Variants in CDK5RAP2 observed in about 807,000 individuals in gnomAD.
The protein encoded by CDK5RAP2 is CDK5 regulatory subunit-associated protein 2.
In CDK5RAP2, 147 loss-of-function variants were observed where a neutral mutation model predicts 232.9. That is an observed-to-expected ratio of 0.63 (90% CI 0.55 to 0.72). CDK5RAP2 has a LOEUF of 0.72. Ranked by LOEUF, CDK5RAP2 falls within the 30% of genes least tolerant of loss-of-function variation. The probability of loss-of-function intolerance (pLI) is 0.00; values close to 1 mark genes in which losing one functional copy is unlikely to be tolerated. For synonymous variants in CDK5RAP2, 833 were observed against 833.7 expected, an observed-to-expected ratio of 1.00 and a Z score of 0.01; for missense variants, 2,195 against 2,231.5, an observed-to-expected ratio of 0.98 and a Z score of 0.33.
chr9:120,463,644 G>A (rs1248001740), intron 18 of CDK5RAP2, among the ~76,000 whole-genome samples: 3 of 152,192 alleles, frequency 2.0e-5, no homozygotes, highest in African/African-American at 4.8e-5. Flanking sequence ...AGCAAAGAAA[G>A]TATTGTTAAC....
At chr9:120,501,249 G>A (rs2039561916) in intron 12 of CDK5RAP2, among the ~76,000 whole-genome samples, 1 of 152,130 alleles carries the variant, frequency 6.6e-6, no homozygotes, top group Admixed American at 6.6e-5. Flanking sequence ...TGCTCTACCT[G>A]GAAAGTTCTC....
chr9:120,508,435 G>A (rs2039931926), intron 12 of CDK5RAP2, among the ~76,000 whole-genome samples: 1 of 152,044 alleles, frequency 6.6e-6, no homozygotes, highest in Non-Finnish European at 1.5e-5. Context: ...TATGCTGGGG[G>A]AAAAAAACTT....
At chr9:120,542,299 G>GT (rs766715577) in intron 5 of CDK5RAP2, among the ~76,000 whole-genome samples, 35 of 152,182 alleles carry the variant, frequency 2.3e-4, no homozygotes, top group Non-Finnish European at 4.4e-4. Flanking sequence ...GAGGTCAGGA[G>GT]TTTGAGACCA....
intron 12 of CDK5RAP2, among the ~76,000 whole-genome samples, chr9:120,510,636 G>A (rs2040035769): frequency 6.6e-6 from 1 of 152,196 alleles, no homozygotes; most frequent in South Asian, 2.1e-4. Context: ...ATCAAACTCA[G>A]ATGTATGAAG....
At chr9:120,433,001 T>TCA (rs2035372684) in intron 25 of CDK5RAP2, among the ~76,000 whole-genome samples, 1 of 152,164 alleles carries the variant, frequency 6.6e-6, no homozygotes, top group Admixed American at 6.5e-5. Context: ...CTGGGAAAAG[T>TCA]CAGGTACTCC....
chr9:120,502,404 C>T (rs1458438510), intron 12 of CDK5RAP2, among the ~76,000 whole-genome samples: 3 of 152,196 alleles, frequency 2.0e-5, no homozygotes, highest in East Asian at 1.9e-4. Context: ...TCTATACAAA[C>T]GACTATCAGA....
At chr9:120,518,194 TGTGTGTGTGTGTGTGTGAGAGAGAGAGA>T (rs1564327400) in intron 12 of CDK5RAP2, among the ~76,000 whole-genome samples, 3 of 101,256 alleles carry the variant, frequency 3.0e-5, no homozygotes, top group African/African-American at 1.1e-4. Context: ...TGTGTGTGTG[TGTGTGTGTGTGTGTGTGAGAGAGAGAGA>T]GAGAGAGAGA....
chr9:120,558,371 CAAAAAAAAAAAAA>C lies in CDK5RAP2; in HGVS notation c.196-7482_196-7470del, dbSNP rs60669308. ...CTGGCGACAGAGTGAGACTCCGTCT[CAAAAAAAAAAAAA>C]AAAAAAAAAAAAAAAAGAATTTCTT... On this transcript the variant is annotated intron_variant, in intron 3 of 37. Coordinates refer to ENST00000349780, the MANE Select transcript of CDK5RAP2 (RefSeq NM_018249.6). 1.7e-3 allele frequency among the ~76,000 whole-genome samples: 67 copies of C among 40,080 alleles called. 1 individual carries two copies. Among genetic ancestry groups the C allele is most frequent in the South Asian group, 0.014 (9 of 622 alleles). 26.3% of individuals were successfully genotyped at this position (40,080 alleles called of 152,430 possible).
chr9:120,555,896 T>G (rs79209984), intron 3 of CDK5RAP2, among the ~76,000 whole-genome samples: 11 of 152,262 alleles, frequency 7.2e-5, no homozygotes, highest in African/African-American at 2.4e-4. Context: ...GTAAATAAAA[T>G]TCAAAGACAT....
intron 6 of CDK5RAP2, among the ~76,000 whole-genome samples, chr9:120,537,691 T>TAA (rs773858392): frequency 7.4e-6 from 1 of 135,762 alleles, no homozygotes; most frequent in Non-Finnish European, 1.6e-5. Flanking sequence ...ATCATCTGTT[T>TAA]AAAAAAAAAA....
intron 27 of CDK5RAP2, 41 bp from the exon 28 acceptor site, chr9:120,415,200 C>A: frequency 6.2e-7 from 1 of 1,607,796 alleles, no homozygotes; most frequent in Non-Finnish European, 8.5e-7. Context: ...GTCTGAACCC[C>A]CAACAAATTG....
Position 120,545,734 on chromosome 9 carries a change from C to A in CDK5RAP2, c.363G>T (p.Glu121Asp). The A allele has an allele frequency of 6.2e-7, 1 of 1,613,792 alleles. No homozygotes were observed. The highest frequency in any genetic ancestry group is 1.7e-5 in the Admixed American group (1 of 60,016). The change falls in exon 5 of 38, where the codon GAG becomes GAT. Residue 121 changes from glutamate (E) to aspartate (D), a missense_variant. By Grantham distance (45) the Glu-to-Asp change is conservative. Coordinates refer to ENST00000349780, the MANE Select transcript of CDK5RAP2 (RefSeq NM_018249.6). Reference sequence around the variant, plus strand: ...CTCACGAGGCTTTGATGAGCAGCTGCTCTCTCTCCTGGAGTTCCCGCTTCA... The same window carrying A: ...CTCACGAGGCTTTGATGAGCAGCTGATCTCTCTCCTGGAGTTCCCGCTTCA... ...ESLKRELQER[E>D]QLLIKASKAV...
At chr9:120,519,080 G>A (rs2040499193) in intron 11 of CDK5RAP2, among the ~76,000 whole-genome samples, 2 of 151,844 alleles carry the variant, frequency 1.3e-5, no homozygotes, top group Admixed American at 1.3e-4. Context: ...GAAGGCTGAG[G>A]CAGAGAACTG....
chr9:120,496,666 C>T (rs1179739088), intron 12 of CDK5RAP2, among the ~76,000 whole-genome samples: 10 of 133,010 alleles, frequency 7.5e-5, no homozygotes, highest in Middle Eastern at 5.3e-3. Flanking sequence ...CCCGGCCAGC[C>T]GCCCCGTCCG....
intron 4 of CDK5RAP2, among the ~76,000 whole-genome samples, chr9:120,547,446 A>T (rs1399744071): frequency 6.6e-6 from 1 of 152,110 alleles, no homozygotes; most frequent in Non-Finnish European, 1.5e-5. Context: ...TCAGCTAAAA[A>T]TACAAAAATT....
At chr9:120,487,880 G>A (rs745977154) in intron 13 of CDK5RAP2, among the ~76,000 whole-genome samples, 9 of 152,194 alleles carry the variant, frequency 5.9e-5, no homozygotes, top group Non-Finnish European at 1.3e-4. Flanking sequence ...AGTCTCTCTT[G>A]AAATGTTACA....
intron 21 of CDK5RAP2, among the ~76,000 whole-genome samples, chr9:120,449,508 C>A (rs10984917): frequency 0.089 from 13,553 of 152,264 alleles, 776 homozygotes; most frequent in Middle Eastern, 0.16. Context: ...AGCATAAGAA[C>A]TAGTACACAG....
chr9:120,414,557 A>T (rs950192458), intron 28 of CDK5RAP2, among the ~76,000 whole-genome samples: 1 of 152,288 alleles, frequency 6.6e-6, no homozygotes, highest in African/African-American at 2.4e-5. Flanking sequence ...AAAAGTGGAG[A>T]AGAAGGAAGG....
chr9:120,390,789 C>G (rs535013656), intron 36 of CDK5RAP2, among the ~76,000 whole-genome samples: 10 of 152,350 alleles, frequency 6.6e-5, no homozygotes, highest in African/African-American at 2.4e-4. Flanking sequence ...CATAGCCTGA[C>G]TCCCCAGTGG....
Sources: gnomAD v4.1 joint callset for allele counts (sites outside exome capture counted in the v4.1 genomes callset) on GRCh38, gnomAD v4.1.1 for gene constraint, MANE v1.5 for transcripts, NCBI Gene and HGNC (gene_info 2026-07-23, HGNC 2026-07-21) for gene names.